Variants in MALRD1 observed in about 807,000 individuals in gnomAD.
MALRD1 encodes the protein MAM and LDL receptor class A domain containing 1.
Under a neutral mutation model 242.1 loss-of-function variants are expected in MALRD1, and 247 were observed. That is an observed-to-expected ratio of 1.02 (90% confidence interval 0.92 to 1.13). The LOEUF is 1.13. MALRD1 is among the 50% of genes most tolerant of loss of function. MALRD1 has a pLI of 0.00. For synonymous variants in MALRD1, 995 were observed against 866.6 expected, an observed-to-expected ratio of 1.15 and a Z score of -2.60; for missense variants, 2,989 against 2,533.1, an observed-to-expected ratio of 1.18 and a Z score of -3.86.
intron 29 of MALRD1, among the ~76,000 whole-genome samples, chr10:19,452,852 G>A (rs1241656916): frequency 1.3e-5 from 2 of 152,140 alleles, no homozygotes; most frequent in Non-Finnish European, 1.5e-5. Context: ...AGAACAAGGA[G>A]CCTTGAGTCA....
chr10:19,182,583 G>C (rs1361542402), intron 14 of MALRD1, among the ~76,000 whole-genome samples: 3 of 151,922 alleles, frequency 2.0e-5, no homozygotes, highest in Non-Finnish European at 4.4e-5. Flanking sequence ...GTCCGCCTCA[G>C]CCTCCCAAAG....
In MALRD1 at chr10:19,346,328, T is replaced by C. The variant is rs1179839990; in HGVS notation, c.3902-1443T>C. Among the ~76,000 whole-genome samples, 3 of 152,274 alleles carry C rather than the reference T, an allele frequency of 2.0e-5. No individual in the cohort carries two copies. In the East Asian group the frequency reaches 5.8e-4, roughly 29 times the overall value. ...TTACCATAGCATCTGTGGGGTTATCTGCGTTTCTTTGGCTTGTGCATTGGA... is the reference window on the plus strand; with the variant it reads ...TTACCATAGCATCTGTGGGGTTATCCGCGTTTCTTTGGCTTGTGCATTGGA... On this transcript the variant is annotated intron_variant, in intron 24 of 39. Transcript: ENST00000454679.
intron 5 of MALRD1, among the ~76,000 whole-genome samples, chr10:19,112,799 T>A (rs910313027): frequency 1.3e-5 from 2 of 152,190 alleles, no homozygotes; most frequent in African/African-American, 2.4e-5. Flanking sequence ...TAAGCAAATA[T>A]ATTTGCTACA....
intron 36 of MALRD1, among the ~76,000 whole-genome samples, chr10:19,660,759 C>A (rs1424898505): frequency 1.3e-5 from 2 of 152,134 alleles, no homozygotes; most frequent in Non-Finnish European, 2.9e-5. Flanking sequence ...CTTACATTTT[C>A]ATAAAAGAGA....
chr10:19,171,500 ATATG>A (rs1312322868), intron 13 of MALRD1, among the ~76,000 whole-genome samples: 1 of 144,316 alleles, frequency 6.9e-6, no homozygotes, highest in Non-Finnish European at 1.5e-5. Flanking sequence ...ACACACATAT[ATATG>A]TGTCTATGTG....
chr10:19,594,423 T>A (rs1564469420), intron 33 of MALRD1, among the ~76,000 whole-genome samples: 2 of 152,186 alleles, frequency 1.3e-5, no homozygotes, highest in Non-Finnish European at 1.5e-5. Flanking sequence ...TGGAAAATAG[T>A]ATGGAGATGC....
rs574452869 is a variant in MALRD1, at chr10:19,462,315, A to G, written c.5029+11825A>G. Among the ~76,000 whole-genome samples, 210 of 152,334 alleles carry G rather than the reference A, an allele frequency of 1.4e-3. 2 individuals are homozygous for G. Among genetic ancestry groups the G allele is most frequent in the African/African-American group, 4.9e-3 (205 of 41,580 alleles). On this transcript the variant is annotated intron_variant, in intron 29 of 39. Coordinates refer to ENST00000454679, the MANE Select transcript of MALRD1 (RefSeq NM_001142308.3). ...CCTAATCATCCTAGGTTTAATTACC[A>G]GAGACTAGGAAGAGCCACCATGCCC...
chr10:19,098,291 A>T (rs1836118157), intron 4 of MALRD1, among the ~76,000 whole-genome samples: 1 of 152,206 alleles, frequency 6.6e-6, no homozygotes, highest in African/African-American at 2.4e-5. Context: ...TAAGTATAAA[A>T]AGATACTGAA....
chr10:19,713,600 G>A (rs1032954102), intron 38 of MALRD1, among the ~76,000 whole-genome samples: 1 of 152,188 alleles, frequency 6.6e-6, no homozygotes, highest in Admixed American at 6.5e-5. Context: ...GTTGCTAAGG[G>A]CAATCACAAA....
rs761066675 is a variant in MALRD1 at position 19,387,426 on chromosome 10, G to A, written c.4442-102G>A. ...TACCTCAAATTCCTAAGAACAATAT[G>A]TTCCTTTATAGATTAAAATGAATCC... On this transcript the variant is annotated intron_variant, in intron 26 of 39. Coordinates refer to ENST00000454679, the MANE Select transcript of MALRD1 (RefSeq NM_001142308.3). 4.4e-6 allele frequency: 6 copies of A among 1,362,946 alleles called. No individual in the cohort carries two copies. The Admixed American group carries it at 1.6e-4, about 36-fold the overall frequency. The allele number at this position is 1,362,946 out of a possible 1,614,324, so 84.4% of individuals were successfully genotyped here. A position where few individuals can be genotyped will look rare whatever the true frequency, so the allele number is the denominator to read the frequency against.
rs892750837 is a variant in MALRD1, at chr10:19,124,602, G to A, written c.875G>A (p.Arg292His). 1.1e-5 allele frequency: 13 copies of A among 1,233,592 alleles called. No individual in the cohort carries two copies. The highest frequency in any genetic ancestry group is 4.2e-5 in the Admixed American group (1 of 23,666). 76.4% of individuals were successfully genotyped at this position (1,233,592 alleles called of 1,614,324 possible). A position where few individuals can be genotyped will look rare whatever the true frequency, so the allele number is the denominator to read the frequency against. The change falls in exon 7 of 40, where the codon CGC becomes CAC. Residue 292 changes from arginine to histidine, a missense_variant. Arg to His is a conservative substitution (Grantham distance 29). Coordinates refer to ENST00000454679, the MANE Select transcript of MALRD1 (RefSeq NM_001142308.3). ...TCTGCTGGCCAAATTTCCTGGATGC[G>A]CACAAAAGCGAGAGAGATCCCTGCA... is the stretch of plus-strand genomic sequence containing the variant. The part of the protein sequence containing the change: ...EASAGQISWM[R>H]TKAREIPAFE...
At chr10:19,276,175 C>G (rs1840513442) in intron 19 of MALRD1, among the ~76,000 whole-genome samples, 1 of 152,146 alleles carries the variant, frequency 6.6e-6, no homozygotes, top group Non-Finnish European at 1.5e-5. Flanking sequence ...GCTTGACATC[C>G]TGCTTTGGTT....
chr10:19,158,490 T>C (rs1227942934), intron 12 of MALRD1, among the ~76,000 whole-genome samples: 1 of 152,198 alleles, frequency 6.6e-6, no homozygotes. Context: ...AGCCTACATA[T>C]TTGAGTCTGC....
intron 36 of MALRD1, among the ~76,000 whole-genome samples, chr10:19,681,718 T>A (rs930878584): frequency 1.3e-5 from 2 of 152,138 alleles, no homozygotes; most frequent in Non-Finnish European, 2.9e-5. Flanking sequence ...GGTGTTGTGA[T>A]CATTTGGAGG....
intron 33 of MALRD1, among the ~76,000 whole-genome samples, chr10:19,576,292 C>T (rs1308356232): frequency 6.6e-6 from 1 of 152,152 alleles, no homozygotes; most frequent in East Asian, 1.9e-4. Flanking sequence ...CTTCCAATCC[C>T]AAGTCGTATT....
chr10:19,334,096 TTGTC>T (rs1336223794), intron 24 of MALRD1, among the ~76,000 whole-genome samples: 14 of 150,670 alleles, frequency 9.3e-5, no homozygotes, highest in East Asian at 5.8e-4. Flanking sequence ...GTCTTGTAGG[TTGTC>T]TGTTTACTCT....
Position 19,502,932 on chromosome 10 carries a change from A to AT in MALRD1, c.5320+4286_5320+4287insT, listed in dbSNP as rs4027009. Among the ~76,000 whole-genome samples the AT allele has an allele frequency of 6.3e-3, 959 of 152,038 alleles. 6 individuals are homozygous for AT. Among genetic ancestry groups the AT allele is most frequent in the South Asian group, 0.01 (50 of 4,808 alleles). On this transcript the variant is annotated intron_variant, in intron 31 of 39. Transcript: ENST00000454679. ...TTAATGGAAACATTAAAGATTATTA[A>AT]GAGTATTAATTTTTCTTTTTTGAAC...
intron 38 of MALRD1, among the ~76,000 whole-genome samples, chr10:19,707,440 A>G (rs904417046): frequency 6.6e-6 from 1 of 152,214 alleles, no homozygotes; most frequent in Non-Finnish European, 1.5e-5. Context: ...AAGTGCTCTA[A>G]ACAGAAGAAG....
At chr10:19,299,188 A>G (rs1038651237) in intron 21 of MALRD1, among the ~76,000 whole-genome samples, 4 of 151,998 alleles carry the variant, frequency 2.6e-5, no homozygotes, top group African/African-American at 9.7e-5. Flanking sequence ...GACTTATAAT[A>G]TGTAAATCAT....
Sources: gnomAD v4.1 joint callset for allele counts (sites outside exome capture counted in the v4.1 genomes callset) on GRCh38, gnomAD v4.1.1 for gene constraint, MANE v1.5 for transcripts, NCBI Gene and HGNC (gene_info 2026-07-23, HGNC 2026-07-21) for gene names.